PYHIN1: variants seen among roughly 807,000 people sequenced by gnomAD.
PYHIN1 encodes the protein pyrin and HIN domain family member 1, also known as pyrin and HIN domain-containing protein 1.
A neutral mutation model predicts 43.7 loss-of-function variants in PYHIN1; 32 were observed. That is an observed-to-expected ratio of 0.73 (90% confidence interval 0.55 to 0.98). PYHIN1 has a LOEUF of 0.98. Among genes scored for constraint, PYHIN1 ranks in the 50% least tolerant of loss-of-function variants. PYHIN1 has a pLI of 0.00. For missense variants in PYHIN1, 588 were observed against 589.5 expected, an observed-to-expected ratio of 1.00 and a Z score of 0.03; for synonymous variants, 205 against 203.1, an observed-to-expected ratio of 1.01 and a Z score of -0.08.
intron 7 of PYHIN1, among the ~76,000 whole-genome samples, chr1:158,956,233 A>G (rs1406451829): frequency 6.6e-6 from 1 of 151,060 alleles, no homozygotes; most frequent in African/African-American, 2.4e-5. Context: ...AAAAGAGGGA[A>G]TCCTCCCTAA....
intron 1 of PYHIN1, among the ~76,000 whole-genome samples, chr1:158,932,307 A>AG (rs148616203): frequency 0.027 from 4,169 of 152,228 alleles, 197 homozygotes; most frequent in African/African-American, 0.093. Flanking sequence ...ACTGCTTGAG[A>AG]GGAAAGGTGG....
rs770683510 is a variant in PYHIN1 at position 158,937,062 on chromosome 1, T to G, written c.152T>G (p.Leu51Trp). ...TATGACAAAATTCAGATTGCTGACT[T>G]GATGGAGGAAAAGTTCCCAGGTGAT... Reference protein sequence around the residue: ...EEYDKIQIADLMEEKFPGDAG... With the variant: ...EEYDKIQIADWMEEKFPGDAG... The change falls in exon 2 of 9, where the codon TTG (leucine) becomes TGG (tryptophan). Residue 51 changes from leucine to tryptophan, a missense_variant. Physicochemically the swap from Leu to Trp is moderately conservative, Grantham distance 61. Transcript: ENST00000368140. The G allele has an allele frequency of 2.5e-6, 4 of 1,614,020 alleles. No homozygotes were observed. In the African/African-American group the frequency reaches 4.0e-5, roughly 16 times the overall value.
chr1:158,948,087 T>C (rs1040556172), intron 7 of PYHIN1, among the ~76,000 whole-genome samples: 8 of 152,220 alleles, frequency 5.3e-5, no homozygotes, highest in Non-Finnish European at 1.0e-4. Context: ...TCAGGTTCTC[T>C]TGACTGAAGC....
chr1:158,971,366 T>C (rs1471370760), intron 7 of PYHIN1, among the ~76,000 whole-genome samples: 1 of 151,970 alleles, frequency 6.6e-6, no homozygotes, highest in Non-Finnish European at 1.5e-5. Context: ...GTGCTTTCCT[T>C]AGTGCTTAGA....
chr1:158,965,784 T>C (rs532120793), intron 7 of PYHIN1, among the ~76,000 whole-genome samples: 1 of 151,990 alleles, frequency 6.6e-6, no homozygotes, highest in East Asian at 1.9e-4. Context: ...CATCAAAAAA[T>C]TTAAAAGATC....
intron 7 of PYHIN1, among the ~76,000 whole-genome samples, chr1:158,962,960 C>G (rs1370372691): frequency 6.6e-6 from 1 of 152,176 alleles, no homozygotes. Context: ...GAGAGTTTCA[C>G]CTGCGCTTCC....
rs1649814239 is a variant in PYHIN1 at position 158,954,813 on chromosome 1, G to A, written c.1359+9771G>A. On this transcript the variant is annotated intron_variant, in intron 7 of 8. Transcript: ENST00000368140. ...TTAAAAGACACAGACTGGCAAATTG[G>A]ATAAAGAGTCAAGACCCATCAGTGT... 4.0e-5 allele frequency among the ~76,000 whole-genome samples: 6 copies of A among 151,106 alleles called. No homozygotes were observed. In the South Asian group the frequency reaches 8.5e-4, roughly 21 times the overall value.
At chr1:158,953,421 C>T (rs957537088) in intron 7 of PYHIN1, among the ~76,000 whole-genome samples, 1 of 150,820 alleles carries the variant, frequency 6.6e-6, no homozygotes, top group East Asian at 1.9e-4. Flanking sequence ...GGCAGACTGC[C>T]TCCTCAAGGG....
At chr1:158,961,777 C>T (rs997792517) in intron 7 of PYHIN1, among the ~76,000 whole-genome samples, 2 of 152,164 alleles carry the variant, frequency 1.3e-5, no homozygotes, top group South Asian at 2.1e-4. Context: ...GCAGAGCCAC[C>T]ACTCAGGCAT....
intron 7 of PYHIN1, among the ~76,000 whole-genome samples, chr1:158,965,288 A>C (rs568960154): frequency 6.6e-6 from 1 of 152,282 alleles, no homozygotes; most frequent in African/African-American, 2.4e-5. Flanking sequence ...ATACAATAAT[A>C]GTGGGAGACT....
Position 158,970,021 on chromosome 1 carries a change from G to C in PYHIN1, c.1360-3626G>C, listed in dbSNP as rs190257805. ...AAGCCTTGCCCATTTACTCATCAAG[G>C]GTTCACTCAAAAATTTGTGTATGAT... On this transcript the variant is annotated intron_variant, in intron 7 of 8. Transcript: ENST00000368140. 7.9e-5 allele frequency among the ~76,000 whole-genome samples: 12 copies of C among 151,802 alleles called. No individual in the cohort carries two copies. In the East Asian group the frequency reaches 2.1e-3, roughly 27 times the overall value.
rs1454584816 is a variant in PYHIN1 at position 158,942,234 on chromosome 1, T to C, written c.837T>C (p.Ser279=). 6.2e-7 allele frequency: 1 copy of C among 1,613,996 alleles called. No homozygotes were observed. Among genetic ancestry groups the C allele is most frequent in the Admixed American group, 1.7e-5 (1 of 59,992 alleles). ...TATCAAATTATTCCAAACGTAATAG[T>C]CTCCTAGAGGTGAATGAAGCCTCTT... is the stretch of plus-strand genomic sequence containing the variant. ...IIISNYSKRN[S]LLEVNEASSV... Residue 279 remains serine, a synonymous_variant, in exon 5 of 9, where the codon AGT becomes AGC. Coordinates refer to ENST00000368140, the MANE Select transcript of PYHIN1 (RefSeq NM_152501.5).
chr1:158,976,307 G>A (rs1303516651), intron 8 of PYHIN1, among the ~76,000 whole-genome samples: 2 of 152,082 alleles, frequency 1.3e-5, no homozygotes, highest in Non-Finnish European at 2.9e-5. Context: ...TTAGTCAAAA[G>A]TCCCAAGCCT....
Position 158,976,804 on chromosome 1 carries a change from G to A in PYHIN1, c.*109G>A. ...CTAAAAACCTGATGCCATTGGTAAT[G>A]ATGTTTATGAAGATAAGATCAAAGC... On this transcript the variant is annotated 3_prime_UTR_variant, in exon 9 of 9. Coordinates refer to ENST00000368140, the MANE Select transcript of PYHIN1 (RefSeq NM_152501.5). 1 of 980,050 alleles carries A rather than the reference G, an allele frequency of 1.0e-6. No homozygotes were observed. Among genetic ancestry groups the A allele is most frequent in the Non-Finnish European group, 1.6e-6 (1 of 624,786 alleles). The allele number at this position is 980,050 out of a possible 1,614,324, so 60.7% of individuals were successfully genotyped here.
intron 7 of PYHIN1, among the ~76,000 whole-genome samples, chr1:158,965,097 T>G (rs1209138648): frequency 6.6e-6 from 1 of 152,002 alleles, no homozygotes; most frequent in Non-Finnish European, 1.5e-5. Context: ...CATCATAATT[T>G]CAGAAAAAAC....
chr1:158,938,553 G>A lies in PYHIN1; in HGVS notation c.411+11G>A, dbSNP rs112374116. The A allele has an allele frequency of 1.5e-4, 249 of 1,613,660 alleles. 2 individuals are homozygous for A. The African/African-American group carries it at 2.7e-3, about 18-fold the overall frequency. On this transcript the variant is annotated intron_variant, in intron 3 of 8. Coordinates refer to ENST00000368140, the MANE Select transcript of PYHIN1 (RefSeq NM_152501.5). Reference sequence around the variant, plus strand: ...ACTCTTGGACCTCAGGTAAGCTTCAGGAAGAGGAGCAGGCTTCAAGTCTCA... The same window carrying A: ...ACTCTTGGACCTCAGGTAAGCTTCAAGAAGAGGAGCAGGCTTCAAGTCTCA...
At chr1:158,980,857 T>C (rs570282314), downstream of PYHIN1, among the ~76,000 whole-genome samples, 1 of 152,238 alleles carries the variant, frequency 6.6e-6, no homozygotes, top group East Asian at 1.9e-4. Flanking sequence ...CATGTTATCT[T>C]TGTACCTACT....
chr1:158,983,074 T>C, the PYHIN1 span, among the ~76,000 whole-genome samples: 1 of 152,192 alleles, frequency 6.6e-6, no homozygotes, highest in Non-Finnish European at 1.5e-5. Context: ...TATAGAATCA[T>C]ATTACCTGCA....
At position 158,967,789 on chromosome 1, in the gene PYHIN1, G is replaced by A. The variant is rs953897759; in HGVS notation, c.1360-5858G>A. Among the ~76,000 whole-genome samples, 9 of 151,890 alleles carry A rather than the reference G, an allele frequency of 5.9e-5. No individual in the cohort carries two copies. In the Middle Eastern group the frequency reaches 0.01, roughly 172 times the overall value. The stretch of plus-strand genomic sequence containing the variant: ...GAATAGACAGCCCAGAAATAAGGCC[G>A]CCCACCTACAATCACTGGATCTTTG... On this transcript the variant is annotated intron_variant, in intron 7 of 8. Transcript: ENST00000368140.
Sources: gnomAD v4.1 joint callset for allele counts (sites outside exome capture counted in the v4.1 genomes callset) on GRCh38, gnomAD v4.1.1 for gene constraint, MANE v1.5 for transcripts, NCBI Gene and HGNC (gene_info 2026-07-23, HGNC 2026-07-21) for gene names.